Variants in PCLO observed in about 807,000 individuals in gnomAD.
PCLO encodes piccolo presynaptic cytomatrix protein.
A neutral mutation model predicts 427.5 loss-of-function variants in PCLO; 82 were observed. The observed-to-expected ratio is 0.19, with a 90% confidence interval of 0.16 to 0.23. The LOEUF (loss-of-function observed/expected upper bound fraction) is 0.23. PCLO is among the 10% of genes least tolerant of loss of function. The probability of loss-of-function intolerance (pLI) is 1.00; values close to 1 mark genes in which losing one functional copy is unlikely to be tolerated. For missense variants in PCLO, 6,239 were observed against 6,115.9 expected (o/e 1.02, Z -0.67); for synonymous variants, 2,357 against 2,155.4 (o/e 1.09, Z -2.59).
chr7:83,144,403 G>A (rs947774933), intron 2 of PCLO, among the ~76,000 whole-genome samples: 10 of 152,016 alleles, frequency 6.6e-5, no homozygotes, highest in East Asian at 1.9e-4. Flanking sequence ...CCTGCACAAC[G>A]AGAGTGAAAC....
chr7:82,788,181 A>G (rs1226687237), intron 22 of PCLO, among the ~76,000 whole-genome samples: 2 of 147,894 alleles, frequency 1.4e-5, no homozygotes, highest in African/African-American at 4.9e-5. Flanking sequence ...TTATATATTT[A>G]TGATTTAAAT....
chr7:83,150,935 T>G (rs1304162940), intron 2 of PCLO, among the ~76,000 whole-genome samples: 1 of 152,196 alleles, frequency 6.6e-6, no homozygotes, highest in Non-Finnish European at 1.5e-5. Context: ...CTTTGGAAGA[T>G]GCAGATTTAC....
At chr7:83,078,695 C>A (rs2116387749) in intron 3 of PCLO, among the ~76,000 whole-genome samples, 1 of 152,060 alleles carries the variant, frequency 6.6e-6, no homozygotes, top group East Asian at 1.9e-4. Flanking sequence ...CTATGCCCGG[C>A]TAATTTTTCG....
rs960165092 is a variant in PCLO, at chr7:83,147,269, T to C, written c.1893+7479A>G. On this transcript the variant is annotated intron_variant, in intron 2 of 24. Transcript: ENST00000333891. Reference sequence around the variant, plus strand: ...TGTAAACGTAATTAAATAATACATGTTTTTAAATGATTGAATTATATTTCT... The same window carrying C: ...TGTAAACGTAATTAAATAATACATGCTTTTAAATGATTGAATTATATTTCT... Among the ~76,000 whole-genome samples the C allele has an allele frequency of 6.6e-5, 10 of 152,050 alleles. No individual in the cohort carries two copies. The South Asian group carries it at 1.2e-3, about 19-fold the overall frequency.
At chr7:83,065,098 T>C (rs2116329466) in intron 3 of PCLO, among the ~76,000 whole-genome samples, 1 of 152,090 alleles carries the variant, frequency 6.6e-6, no homozygotes, top group East Asian at 1.9e-4. Flanking sequence ...AGGAATAATT[T>C]TTAGTCTTTC....
chr7:82,888,996 T>C (rs1793694414), intron 9 of PCLO, among the ~76,000 whole-genome samples: 1 of 108,164 alleles, frequency 9.2e-6, no homozygotes, highest in South Asian at 3.2e-4. Context: ...TCAGGTCCCC[T>C]TGCCAAACAA....
At chr7:83,025,066 C>A (rs1044750491) in intron 3 of PCLO, among the ~76,000 whole-genome samples, 35 of 152,284 alleles carry the variant, frequency 2.3e-4, no homozygotes, top group Non-Finnish European at 5.0e-4. Context: ...TCCAAAGGAA[C>A]GCAGTTCCTC....
intron 3 of PCLO, among the ~76,000 whole-genome samples, chr7:83,003,191 T>A (rs1787865792): frequency 6.6e-6 from 1 of 151,374 alleles, no homozygotes. Flanking sequence ...TTATAAAATT[T>A]TAAAATATAC....
intron 3 of PCLO, among the ~76,000 whole-genome samples, chr7:83,011,877 T>C (rs923974563): frequency 6.6e-6 from 1 of 152,152 alleles, no homozygotes; most frequent in African/African-American, 2.4e-5. Flanking sequence ...CAGTTATTCA[T>C]TCAACAGACA....
At chr7:82,872,594 T>C (rs539949456) in intron 10 of PCLO, among the ~76,000 whole-genome samples, 17 of 152,076 alleles carry the variant, frequency 1.1e-4, no homozygotes, top group Admixed American at 2.6e-4. Flanking sequence ...TTTGACAAGA[T>C]TGATAGTCAT....
chr7:82,821,186 G>A (rs772548298), intron 20 of PCLO: 15 of 995,140 alleles, frequency 1.5e-5, no homozygotes, highest in African/African-American at 1.7e-5. Flanking sequence ...GTTGCCATTG[G>A]CTGGTGGAGG....
intron 2 of PCLO, among the ~76,000 whole-genome samples, chr7:83,149,892 G>GT (rs1792085842): frequency 6.6e-6 from 1 of 152,094 alleles, no homozygotes; most frequent in South Asian, 2.1e-4. Flanking sequence ...AAGTCAAGGA[G>GT]TTTTTTGTTT....
intron 6 of PCLO, among the ~76,000 whole-genome samples, chr7:82,945,297 A>T (rs2116399092): frequency 6.6e-6 from 1 of 152,358 alleles, no homozygotes; most frequent in South Asian, 2.1e-4. Flanking sequence ...GGGTCTTGAA[A>T]AATACCCAAA....
At position 82,760,638 on chromosome 7, in the gene PCLO, C is replaced by A; in HGVS notation, c.15288+1G>T. On this transcript the variant is annotated splice_donor_variant, in intron 24 of 24. Coordinates refer to ENST00000333891, the MANE Select transcript of PCLO (RefSeq NM_033026.6). LOFTEE classifies it high-confidence loss of function. ...ATATGAACTACATAATACAGAGCTA[C>A]CTGAAGAGAATGTCCTGCAGGACTT... 1 of 1,578,960 alleles carries A rather than the reference C, an allele frequency of 6.3e-7. No homozygotes were observed. The highest frequency in any genetic ancestry group is 8.6e-7 in the Non-Finnish European group (1 of 1,165,078).
chr7:82,961,277 G>T (rs1795650551), intron 4 of PCLO, among the ~76,000 whole-genome samples: 1 of 152,270 alleles, frequency 6.6e-6, no homozygotes, highest in South Asian at 2.1e-4. Flanking sequence ...GTTCAGGTGG[G>T]ATTTTTTCTG....
intron 3 of PCLO, among the ~76,000 whole-genome samples, chr7:83,078,325 C>T (rs1255705585): frequency 6.6e-6 from 1 of 151,952 alleles, no homozygotes; most frequent in Non-Finnish European, 1.5e-5. Flanking sequence ...AGCTCTGCAC[C>T]AGCTCTTATT....
chr7:82,936,048 AC>A (rs1794946537), intron 6 of PCLO, among the ~76,000 whole-genome samples: 1 of 151,752 alleles, frequency 6.6e-6, no homozygotes, highest in South Asian at 2.1e-4. Flanking sequence ...GAAATATAGA[AC>A]TTGAACAACA....
At chr7:82,760,445 G>T (rs1289209592) in intron 24 of PCLO, among the ~76,000 whole-genome samples, 194 bp downstream of exon 24, 2 of 151,958 alleles carry the variant, frequency 1.3e-5, no homozygotes, top group African/African-American at 4.8e-5. Context: ...GGTAGAGAAG[G>T]CTTGGCAGCT....
chr7:83,069,283 G>T (rs1789746097), intron 3 of PCLO, among the ~76,000 whole-genome samples: 3 of 152,012 alleles, frequency 2.0e-5, no homozygotes, highest in Admixed American at 1.3e-4. Context: ...CGTATAATAT[G>T]CAGGTTTTGC....
Sources: gnomAD v4.1 joint callset for allele counts (sites outside exome capture counted in the v4.1 genomes callset) on GRCh38, gnomAD v4.1.1 for gene constraint, MANE v1.5 for transcripts, NCBI Gene and HGNC (gene_info 2026-07-23, HGNC 2026-07-21) for gene names.